KIFC2: variants seen among roughly 807,000 people sequenced by gnomAD.
KIFC2 encodes the protein kinesin-like protein KIFC2.
A neutral mutation model predicts 91.5 loss-of-function variants in KIFC2; 94 were observed. The observed-to-expected ratio is 1.03, with a 90% CI of 0.87 to 1.22. KIFC2 has a LOEUF of 1.22. Among genes scored for constraint, KIFC2 ranks in the 50% most tolerant of loss-of-function variants. KIFC2 has a pLI of 0.00. For missense variants in KIFC2, 1,357 were observed against 1,103.3 expected (o/e 1.23, Z -3.26); for synonymous variants, 729 against 503.9 (o/e 1.45, Z -5.98).
intron 10 of KIFC2, among the ~76,000 whole-genome samples, 165 bp from the exon 11 acceptor site, chr8:144,469,106 G>A (rs1824819091): frequency 6.6e-6 from 1 of 152,228 alleles, no homozygotes. Flanking sequence ...TTTATCCTGG[G>A]GTTACTCAAT....
chr8:144,471,689 C>G (rs1389564470), intron 12 of KIFC2, among the ~76,000 whole-genome samples: 1 of 152,190 alleles, frequency 6.6e-6, no homozygotes, highest in Non-Finnish European at 1.5e-5. Context: ...ACTCCAGAGC[C>G]TCTGCATAGG....
intron 7 of KIFC2, 144 bp downstream of exon 7, chr8:144,468,131 A>C: frequency 8.6e-7 from 1 of 1,164,210 alleles, no homozygotes; most frequent in South Asian, 1.6e-5. Context: ...TGCCAATGGG[A>C]AGACCCCCCT....
At chr8:144,469,122 C>A in intron 10 of KIFC2, 149 bp from the exon 11 acceptor site, 1 of 690,774 alleles carries the variant, frequency 1.4e-6, no homozygotes. Flanking sequence ...TCAATGATGT[C>A]CCCAGGGGCC....
At position 144,472,025 on chromosome 8, in the gene KIFC2, C is replaced by A; in HGVS notation, c.1464C>A (p.Thr488=). The A allele has an allele frequency of 6.2e-7, 1 of 1,613,468 alleles. No individual in the cohort carries two copies. The highest frequency in any genetic ancestry group is 8.5e-7 in the Non-Finnish European group (1 of 1,180,016). ...TCTTCACCTATGGCCAGACAGGCAC[C>A]GGGAAGACCTACAGCATGGAGGTGG... ...VCIFTYGQTG[T]GKTYSMEGPP... Residue 488 remains threonine, a synonymous_variant, in exon 13 of 18, where the codon ACC becomes ACA. Transcript: ENST00000645548.
Position 144,472,942 on chromosome 8 carries a change from T to C in KIFC2, c.2009T>C (p.Met670Thr). The change falls in exon 17 of 18, where the codon ATG becomes ACG. Residue 670 changes from methionine to threonine, a missense_variant. Coordinates refer to ENST00000645548, the MANE Select transcript of KIFC2 (RefSeq NM_001369769.2). Reference protein sequence around the residue: ...NRSLLALGGVMAALRAHRPHV... With the variant: ...NRSLLALGGVTAALRAHRPHV... ...TCGCTGCTGGCGCTAGGAGGCGTGA[T>C]GGCCGCACTGCGGGCCCACCGGCCG... 1 of 1,479,078 alleles carries C rather than the reference T, an allele frequency of 6.8e-7. No homozygotes were observed. 91.6% of individuals were successfully genotyped at this position (1,479,078 alleles called of 1,614,324 possible).
rs1374221042 is a variant in KIFC2 at position 144,466,479 on chromosome 8, T to C, written c.60T>C (p.Gly20=). The change falls in exon 1 of 18, where the codon GGT becomes GGC. Residue 20 remains glycine, a synonymous_variant. Transcript: ENST00000645548. ...TCTACAGCCTCTTCCGCAGGGATGG[T>C]GGCGCCGCGGCGGCCGCGGAGCCCG... The part of the protein sequence containing the change: ...YIFYSLFRRD[G]GAAAAAEPGD... 3 of 1,335,168 alleles carry C rather than the reference T, an allele frequency of 2.2e-6. No homozygotes were observed. The highest frequency in any genetic ancestry group is 3.7e-5 in the South Asian group (2 of 53,940). 82.7% of individuals were successfully genotyped at this position (1,335,168 alleles called of 1,614,324 possible).
upstream of KIFC2, chr8:144,466,314 C>A: frequency 3.6e-6 from 1 of 275,942 alleles, no homozygotes; most frequent in Non-Finnish European, 6.2e-6. Flanking sequence ...GCCGTGGGGG[C>A]GGCCGTCGCG....
In KIFC2 at chr8:144,472,742, C is replaced by T. The variant is rs755987435; in HGVS notation, c.1861+36C>T. 2.5e-6 allele frequency: 4 copies of T among 1,592,202 alleles called. No individual in the cohort carries two copies. In the Admixed American group the frequency reaches 6.7e-5, roughly 27 times the overall value. Reference sequence around the variant, plus strand: ...CGGTGCCTGAGCCCTGCGGAGTCTCCAGAGCACCCGAGGCCCGGCCTTCCC... The same window carrying T: ...CGGTGCCTGAGCCCTGCGGAGTCTCTAGAGCACCCGAGGCCCGGCCTTCCC... On this transcript the variant is annotated intron_variant, in intron 16 of 17. Coordinates refer to ENST00000645548, the MANE Select transcript of KIFC2 (RefSeq NM_001369769.2).
chr8:144,467,691 C>G (rs1303617031), intron 5 of KIFC2, 23 bp from the exon 6 acceptor site: 8 of 1,612,830 alleles, frequency 5.0e-6, no homozygotes, highest in Middle Eastern at 1.6e-4. Flanking sequence ...GAGGTCCACC[C>G]TGTCTCTCTT....
chr8:144,473,834 C>T lies in KIFC2; in HGVS notation c.*445C>T, dbSNP rs1281431985. 2.7e-6 allele frequency: 1 copy of T among 367,310 alleles called. No individual in the cohort carries two copies. Among genetic ancestry groups the T allele is most frequent in the Non-Finnish European group, 4.9e-6 (1 of 203,036 alleles). 22.8% of individuals were successfully genotyped at this position (367,310 alleles called of 1,614,324 possible). A position where few individuals can be genotyped will look rare whatever the true frequency, so the allele number is the denominator to read the frequency against. On this transcript the variant is annotated 3_prime_UTR_variant, in exon 18 of 18. Coordinates refer to ENST00000645548, the MANE Select transcript of KIFC2 (RefSeq NM_001369769.2). ...CCGTTTCCCGAAAAAGGTGCTACCT[C>T]CTTTCCAGACAGATGAGAGAGGGCA...
Position 144,469,504 on chromosome 8 carries a change from C to T in KIFC2, c.1237C>T (p.Leu413=), listed in dbSNP as rs143033479. 3.7e-3 allele frequency: 5,993 copies of T among 1,614,022 alleles called. 17 individuals carry two copies. Among genetic ancestry groups the T allele is most frequent in the Middle Eastern group, 4.8e-3 (29 of 6,060 alleles). The change falls in exon 12 of 18, where the codon CTG becomes TTG. Residue 413 remains leucine (L), a synonymous_variant. Coordinates refer to ENST00000645548, the MANE Select transcript of KIFC2 (RefSeq NM_001369769.2). ...CCCCACTGCAGGAAATATCCGTGTGCTGTGTCGGCTGAGGCCAGGGACATC... is the reference window on the plus strand; with the variant it reads ...CCCCACTGCAGGAAATATCCGTGTGTTGTGTCGGCTGAGGCCAGGGACATC... The part of the protein sequence containing the change: ...LPELKGNIRV[L]CRLRPGTSSS...
chr8:144,472,496 C>T lies in KIFC2; in HGVS notation c.1731+12C>T. ...AGACATTGCACCAGGTAGGGCTGCACCGCTCTCCGAGACCCCGCCCCGTGC... is the reference window on the plus strand; with the variant it reads ...AGACATTGCACCAGGTAGGGCTGCATCGCTCTCCGAGACCCCGCCCCGTGC... On this transcript the variant is annotated intron_variant, in intron 15 of 17. Coordinates refer to ENST00000645548, the MANE Select transcript of KIFC2 (RefSeq NM_001369769.2). The T allele has an allele frequency of 1.2e-6, 2 of 1,611,348 alleles. No homozygotes were observed. Among genetic ancestry groups the T allele is most frequent in the Non-Finnish European group, 1.7e-6 (2 of 1,179,142 alleles).
rs887038191 is a variant in KIFC2 at position 144,472,199 on chromosome 8, G to A, written c.1547G>A (p.Gly516Glu). Residue 516 changes from glycine to glutamate, a missense_variant, in exon 14 of 18, where the codon GGG (glycine) becomes GAG (glutamate). By Grantham distance (98) the Gly-to-Glu change is moderately conservative. Transcript: ENST00000645548. ...CTGCAGTCGCTGTTCCGGGAGATGG[G>A]GGCCGGCCGGCAGCACCGGGTGACA... ...RALQSLFREMGAGRQHRVTLS... is the reference protein window; with the variant it reads ...RALQSLFREMEAGRQHRVTLS... The A allele has an allele frequency of 1.2e-6, 2 of 1,613,360 alleles. No individual in the cohort carries two copies. The highest frequency in any genetic ancestry group is 1.7e-6 in the Non-Finnish European group (2 of 1,180,002).
Position 144,474,015 on chromosome 8 carries a change from G to T in KIFC2, c.*626G>T, listed in dbSNP as rs1825057678. The T allele has an allele frequency of 1.1e-5, 6 of 568,888 alleles. No homozygotes were observed. The highest frequency in any genetic ancestry group is 1.6e-5 in the Non-Finnish European group (5 of 321,394). 35.2% of individuals were successfully genotyped at this position (568,888 alleles called of 1,614,324 possible). On this transcript the variant is annotated 3_prime_UTR_variant, in exon 18 of 18. Transcript: ENST00000645548. ...TCAGCCCTGCTCCTGCAGCTTTGCCGCTGAGTGTAGGAAAAACAGGCATGA... is the reference window on the plus strand; with the variant it reads ...TCAGCCCTGCTCCTGCAGCTTTGCCTCTGAGTGTAGGAAAAACAGGCATGA...
At chr8:144,471,904 T>TG in intron 12 of KIFC2, 38 bp from the exon 13 acceptor site, 1 of 1,586,498 alleles carries the variant, frequency 6.3e-7, no homozygotes, top group South Asian at 1.1e-5. Context: ...ACAGGCAACG[T>TG]GGGGAGGACT....
In KIFC2 at chr8:144,467,336, C is replaced by T. The variant is rs1328446416; in HGVS notation, c.464C>T (p.Pro155Leu). 2 of 1,605,558 alleles carry T rather than the reference C, an allele frequency of 1.2e-6. No individual in the cohort carries two copies. The highest frequency in any genetic ancestry group is 1.7e-5 in the Admixed American group (1 of 58,578). ...GCCCCTCGGGTCCGGCCCCCCTCTC[C>T]AGATGGTGAGTAAAGGACAGTAAGT... ...QPAPRVRPPS[P>L]DGSTSQEESP... Residue 155 changes from proline to leucine, a missense_variant, in exon 4 of 18, where the codon CCA becomes CTA. By Grantham distance (98) the Pro-to-Leu change is moderately conservative. Coordinates refer to ENST00000645548, the MANE Select transcript of KIFC2 (RefSeq NM_001369769.2).
In KIFC2 at chr8:144,468,745, A is replaced by G; in HGVS notation, c.1024A>G (p.Ser342Gly). Residue 342 changes from serine (S) to glycine (G), a missense_variant, in exon 10 of 18, where the codon AGC becomes GGC. Transcript: ENST00000645548. ...TCCAGGACTTCGGGCACGGATGGCC[A>G]GCCTGCGTCAGGGCTGCGGGGACCT... ...QLAGLRARMA[S>G]LRQGCGDLRG... 2 of 1,614,028 alleles carry G rather than the reference A, an allele frequency of 1.2e-6. No homozygotes were observed. The highest frequency in any genetic ancestry group is 2.2e-5 in the East Asian group (1 of 44,880).
rs1824822998 is a variant in KIFC2 at position 144,469,189 on chromosome 8, G to A, written c.1114-82G>A. ...CTGAGCGGGCCTGTGGGGGCTCCCT[G>A]CTGCTCTCAGGACCCTCCCACCCCC... is the stretch of plus-strand genomic sequence containing the variant. On this transcript the variant is annotated intron_variant, in intron 10 of 17. Coordinates refer to ENST00000645548, the MANE Select transcript of KIFC2 (RefSeq NM_001369769.2). 6.0e-5 allele frequency: 71 copies of A among 1,184,462 alleles called. No individual in the cohort carries two copies. The South Asian group carries it at 9.6e-4, about 16-fold the overall frequency. The allele number at this position is 1,184,462 out of a possible 1,614,324, so 73.4% of individuals were successfully genotyped here. A position where few individuals can be genotyped will look rare whatever the true frequency, so the allele number is the denominator to read the frequency against.
At position 144,468,776 on chromosome 8, in the gene KIFC2, G is replaced by T; in HGVS notation, c.1055G>T (p.Gly352Val). ...CGTCAGGGCTGCGGGGACCTCCGAG[G>T]TTTGGTCAGCACCTTTACCCAGAGC... ...SLRQGCGDLR[G>V]LVSTFTQSCQ... Residue 352 changes from glycine to valine, a missense_variant, in exon 10 of 18, where the codon GGT (glycine) becomes GTT (valine). Gly to Val is a moderately radical substitution (Grantham distance 109). Transcript: ENST00000645548. 7 of 1,614,068 alleles carry T rather than the reference G, an allele frequency of 4.3e-6. No homozygotes were observed. The highest frequency in any genetic ancestry group is 5.9e-6 in the Non-Finnish European group (7 of 1,180,024).
Sources: allele counts gnomAD v4.1 joint callset (sites outside exome capture counted in the v4.1 genomes callset), GRCh38; gene constraint gnomAD v4.1.1; transcripts MANE v1.5; gene names NCBI Gene and HGNC (gene_info 2026-07-23, HGNC 2026-07-21).